The following KAT6B variants were observed in gnomAD, a reference collection of about 807,000 sequenced individuals.
KAT6B encodes histone acetyltransferase KAT6B.
Under a neutral mutation model 187.5 loss-of-function variants are expected in KAT6B, and 10 were observed. The observed-to-expected ratio is 0.05, with a 90% CI of 0.03 to 0.09. The LOEUF (loss-of-function observed/expected upper bound fraction) is 0.09, where lower values mean the gene tolerates loss of function less well. Among genes scored for constraint, KAT6B ranks in the 10% least tolerant of loss-of-function variants. KAT6B has a pLI of 1.00. For synonymous variants in KAT6B, 861 were observed against 926.8 expected (o/e 0.93, Z 1.29); for missense variants, 1,952 against 2,558.9 (o/e 0.76, Z 5.12).
chr10:74,972,450 A>G, intron 6 of KAT6B, 57 bp from the exon 7 acceptor site: 2 of 1,278,830 alleles, frequency 1.6e-6, no homozygotes, highest in Non-Finnish European at 2.2e-6. Flanking sequence ...CTTATATTTA[A>G]TATCTTCTCT....
intron 13 of KAT6B, among the ~76,000 whole-genome samples, chr10:75,015,947 C>T (rs1003912338): frequency 1.3e-5 from 2 of 152,132 alleles, no homozygotes; most frequent in Non-Finnish European, 2.9e-5. Context: ...CTGCCCCTGT[C>T]GGGGGAGATC....
chr10:74,833,902 G>A (rs937959754), intron 1 of KAT6B, among the ~76,000 whole-genome samples: 9 of 152,192 alleles, frequency 5.9e-5, no homozygotes, highest in Non-Finnish European at 1.3e-4. Context: ...TTCAACCAGC[G>A]TTTTATTGAG....
At chr10:74,942,419 A>G (rs1354923793) in intron 3 of KAT6B, among the ~76,000 whole-genome samples, 1 of 152,180 alleles carries the variant, frequency 6.6e-6, no homozygotes, top group African/African-American at 2.4e-5. Context: ...ATAAACTCTT[A>G]GCAAACTAGG....
At chr10:74,978,190 C>G (rs1316556212) in intron 9 of KAT6B, among the ~76,000 whole-genome samples, 1 of 152,194 alleles carries the variant, frequency 6.6e-6, no homozygotes, top group African/African-American at 2.4e-5. Flanking sequence ...GCTAAATACT[C>G]CTGACAGTTT....
In KAT6B at chr10:75,028,880, AGAGGAAGAG is replaced by A. The variant is rs1215408519; in HGVS notation, c.4062_4070del (p.Glu1366_Glu1368del). On this transcript the variant is annotated inframe_deletion, in exon 18 of 18. Transcript: ENST00000287239. ...AAGATGATCTCATCAAACCTGAGGA[AGAGGAAGAG>A]GAGGAGGAGGAGGAAGAGGAAGAAG... 1.2e-6 allele frequency: 2 copies of A among 1,613,282 alleles called. No homozygotes were observed. Among genetic ancestry groups the A allele is most frequent in the Non-Finnish European group, 1.7e-6 (2 of 1,179,656 alleles).
intron 3 of KAT6B, among the ~76,000 whole-genome samples, chr10:74,911,370 GA>G (rs1382511239): frequency 6.6e-6 from 1 of 150,954 alleles, no homozygotes; most frequent in African/African-American, 2.4e-5. Flanking sequence ...AGGTTCAAAC[GA>G]TTCTCCTGCC....
chr10:74,912,185 A>G (rs1312098548), intron 3 of KAT6B, among the ~76,000 whole-genome samples: 1 of 152,100 alleles, frequency 6.6e-6, no homozygotes, highest in Non-Finnish European at 1.5e-5. Flanking sequence ...TTAATATTAC[A>G]AAGGACTTTT....
intron 3 of KAT6B, among the ~76,000 whole-genome samples, chr10:74,956,106 G>C (rs961525426): frequency 3.9e-5 from 6 of 152,042 alleles, no homozygotes; most frequent in African/African-American, 1.4e-4. Flanking sequence ...TTATTTTGTA[G>C]AGCTGGGGTC....
chr10:74,969,892 T>G, intron 5 of KAT6B, 117 bp downstream of exon 5: 1 of 980,784 alleles, frequency 1.0e-6, no homozygotes, highest in Non-Finnish European at 1.6e-6. Context: ...ACACATGATG[T>G]CAAACTGCAA....
At chr10:74,931,859 A>G (rs887163575) in intron 3 of KAT6B, among the ~76,000 whole-genome samples, 1 of 152,084 alleles carries the variant, frequency 6.6e-6, no homozygotes, top group African/African-American at 2.4e-5. Flanking sequence ...TTACAGGCGC[A>G]TGCCACCACG....
At chr10:74,984,207 C>T (rs1842690172) in intron 11 of KAT6B, 1 of 152,174 alleles carries the variant, frequency 6.6e-6, no homozygotes, top group South Asian at 2.1e-4. Flanking sequence ...TATATGAAAT[C>T]TAAAAATAAT....
At chr10:74,936,007 T>G (rs530741195) in intron 3 of KAT6B, among the ~76,000 whole-genome samples, 1 of 152,378 alleles carries the variant, frequency 6.6e-6, no homozygotes, top group Admixed American at 6.5e-5. Flanking sequence ...AGTGAGTTTA[T>G]GCATACCTCC....
intron 15 of KAT6B, 147 bp downstream of exon 15, chr10:75,021,432 G>A (rs1845400809): frequency 1.4e-6 from 1 of 735,656 alleles, no homozygotes; most frequent in African/African-American, 1.8e-5. Flanking sequence ...CCTAACTGAG[G>A]TTGCATGGTA....
intron 3 of KAT6B, 64 bp from the exon 4 acceptor site, chr10:74,959,906 A>C: frequency 8.9e-7 from 1 of 1,119,370 alleles, no homozygotes; most frequent in Non-Finnish European, 1.4e-6. Context: ...AAAGCTTTTG[A>C]TTTTAATGTT....
rs992947791 is a variant in KAT6B at position 74,865,633 on chromosome 10, A to AG, written c.621+22156dup. 5.9e-5 allele frequency among the ~76,000 whole-genome samples: 9 copies of AG among 151,834 alleles called. No homozygotes were observed. In the Middle Eastern group the frequency reaches 0.01, roughly 172 times the overall value. On this transcript the variant is annotated intron_variant, in intron 3 of 17. Coordinates refer to ENST00000287239, the MANE Select transcript of KAT6B (RefSeq NM_012330.4). ...CAGGCTCAAGCGATTCTCCTGGCTC[A>AG]GTCTCCCAAGTAGCTGAGATTACAG... is the stretch of plus-strand genomic sequence containing the variant.
intron 3 of KAT6B, among the ~76,000 whole-genome samples, chr10:74,860,772 A>T (rs1268287718): frequency 6.6e-6 from 1 of 152,152 alleles, no homozygotes; most frequent in African/African-American, 2.4e-5. Flanking sequence ...CCAAGGCAGG[A>T]GGATCACTTG....
chr10:74,841,048 A>G (rs182673631), intron 2 of KAT6B, among the ~76,000 whole-genome samples: 25 of 152,358 alleles, frequency 1.6e-4, no homozygotes, highest in Admixed American at 1.1e-3. Context: ...GAAAGTGATA[A>G]CTATATATTG....
intron 3 of KAT6B, among the ~76,000 whole-genome samples, chr10:74,907,570 A>C (rs546147413): frequency 1.3e-5 from 2 of 151,784 alleles, no homozygotes; most frequent in African/African-American, 2.4e-5. Context: ...GTTGTTGCCC[A>C]GGCTGGAGTG....
chr10:74,850,046 C>G (rs373228660), intron 3 of KAT6B, among the ~76,000 whole-genome samples: 1 of 151,850 alleles, frequency 6.6e-6, no homozygotes, highest in South Asian at 2.1e-4. Flanking sequence ...TCACGCCATT[C>G]TCCTGCCTCA....
Sources: gnomAD v4.1 joint callset for allele counts (sites outside exome capture counted in the v4.1 genomes callset) on GRCh38, gnomAD v4.1.1 for gene constraint, MANE v1.5 for transcripts, NCBI Gene and HGNC (gene_info 2026-07-23, HGNC 2026-07-21) for gene names.